Variants in GLRX3 observed in about 807,000 individuals in gnomAD.
GLRX3 encodes the protein glutaredoxin 3.
A neutral mutation model predicts 49.5 loss-of-function variants in GLRX3; 22 were observed. The observed-to-expected ratio is 0.44, with a 90% CI of 0.32 to 0.63. The LOEUF is 0.63. Ranked by LOEUF, GLRX3 falls within the 30% of genes least tolerant of loss-of-function variation. GLRX3 has a pLI of 0.05. For synonymous variants in GLRX3, 133 were observed against 140.0 expected, an observed-to-expected ratio of 0.95 and a Z score of 0.35; for missense variants, 385 against 396.3, an observed-to-expected ratio of 0.97 and a Z score of 0.24.
intron 2 of GLRX3, among the ~76,000 whole-genome samples, chr10:130,157,265 C>CT (rs1416687734): frequency 1.4e-5 from 2 of 145,654 alleles, no homozygotes; most frequent in Non-Finnish European, 3.0e-5. Flanking sequence ...GTCCTGCAGT[C>CT]TAACGGCTGG....
Position 130,179,541 on chromosome 10 carries a change from A to G in GLRX3, c.*149A>G, listed in dbSNP as rs1862986877. ...TGTGTATTTCACAATGTCGTGCTAA[A>G]TAAATGTATGTTACATTTTTTTCCC... On this transcript the variant is annotated 3_prime_UTR_variant, in exon 11 of 11. Coordinates refer to ENST00000331244, the MANE Select transcript of GLRX3 (RefSeq NM_006541.5). 1.6e-6 allele frequency: 1 copy of G among 614,746 alleles called. No homozygotes were observed. The highest frequency in any genetic ancestry group is 2.9e-6 in the Non-Finnish European group (1 of 342,620). 38.1% of individuals were successfully genotyped at this position (614,746 alleles called of 1,614,324 possible). A position where few individuals can be genotyped will look rare whatever the true frequency, so the allele number is the denominator to read the frequency against.
Position 130,171,699 on chromosome 10 carries a change from C to T in GLRX3, c.824+63C>T, listed in dbSNP as rs1862812746. The stretch of plus-strand genomic sequence containing the variant: ...ATTCCAACCTGGCCAGGCGTAGTGG[C>T]TCACGTCTATAATCCTAGCACTTTG... On this transcript the variant is annotated intron_variant, in intron 8 of 10. Transcript: ENST00000331244. 4.5e-6 allele frequency: 4 copies of T among 893,888 alleles called. No individual in the cohort carries two copies. In the African/African-American group the frequency reaches 4.9e-5, roughly 11 times the overall value. The allele number at this position is 893,888 out of a possible 1,614,324, so 55.4% of individuals were successfully genotyped here.
At position 130,171,589 on chromosome 10, in the gene GLRX3, A is replaced by G. The variant is rs1207212773; in HGVS notation, c.777A>G (p.Ala259=). 6.5e-7 allele frequency: 1 copy of G among 1,536,904 alleles called. No homozygotes were observed. The highest frequency in any genetic ancestry group is 9.0e-7 in the Non-Finnish European group (1 of 1,109,470). The change falls in exon 8 of 11, where the codon GCA becomes GCG. Residue 259 remains alanine, a synonymous_variant. Coordinates refer to ENST00000331244, the MANE Select transcript of GLRX3 (RefSeq NM_006541.5). ...MLFMKGNKQE[A]KCGFSKQILE... is the part of the protein sequence containing the mutation. ...GCAAATTTTTTTTCATTTAGGAAGC[A>G]AAATGTGGATTCAGCAAACAAATTC...
intron 2 of GLRX3, among the ~76,000 whole-genome samples, chr10:130,150,252 A>AAG (rs1471530726): frequency 5.2e-4 from 79 of 151,604 alleles, no homozygotes; most frequent in African/African-American, 1.8e-3. Flanking sequence ...AAAAAAAAAA[A>AAG]AAAGAAAGAA....
At chr10:130,174,705 G>C (rs561323945) in intron 8 of GLRX3, among the ~76,000 whole-genome samples, 162 bp from the exon 9 acceptor site, 1 of 152,218 alleles carries the variant, frequency 6.6e-6, no homozygotes, top group Non-Finnish European at 1.5e-5. Flanking sequence ...ATTCTGTGTA[G>C]TACCAGACAG....
intron 1 of GLRX3, among the ~76,000 whole-genome samples, chr10:130,143,653 C>T (rs1862215892): frequency 6.6e-6 from 1 of 151,794 alleles, no homozygotes; most frequent in Non-Finnish European, 1.5e-5. Context: ...CTTAGTCTGC[C>T]AGAATGCTGA....
At chr10:130,161,489 C>A (rs1247118575) in intron 4 of GLRX3, among the ~76,000 whole-genome samples, 1 of 152,222 alleles carries the variant, frequency 6.6e-6, no homozygotes, top group South Asian at 2.1e-4. Context: ...TTTGCCTCCC[C>A]TGTGTCATCA....
intron 4 of GLRX3, among the ~76,000 whole-genome samples, chr10:130,163,629 T>C: frequency 6.6e-6 from 1 of 152,224 alleles, no homozygotes; most frequent in Non-Finnish European, 1.5e-5. Context: ...TTCTGTCACA[T>C]ATAGTAAATA....
chr10:130,178,175 C>T (rs1404357517), intron 10 of GLRX3, among the ~76,000 whole-genome samples: 1 of 152,176 alleles, frequency 6.6e-6, no homozygotes. Context: ...AGCCTGATTC[C>T]TCTCTGTGAG....
At chr10:130,137,094 C>A (rs1862071105) in intron 1 of GLRX3, among the ~76,000 whole-genome samples, 1 of 152,062 alleles carries the variant, frequency 6.6e-6, no homozygotes, top group Non-Finnish European at 1.5e-5. Context: ...CTTTTGAAGT[C>A]AGCCTTTAAA....
intron 1 of GLRX3, among the ~76,000 whole-genome samples, chr10:130,137,874 A>G (rs544799019): frequency 3.9e-4 from 59 of 152,076 alleles, no homozygotes; most frequent in African/African-American, 1.4e-3. Flanking sequence ...AGCTGGGACC[A>G]CAGGTGCTCA....
chr10:130,166,385 C>G (rs1041648849), intron 4 of GLRX3, 122 bp from the exon 5 acceptor site: 10 of 644,058 alleles, frequency 1.6e-5, no homozygotes, highest in Non-Finnish European at 2.4e-5. Context: ...AATTAAATCA[C>G]CAGCAAAATA....
chr10:130,165,009 T>C (rs1862654052), intron 4 of GLRX3, among the ~76,000 whole-genome samples: 1 of 152,250 alleles, frequency 6.6e-6, no homozygotes, highest in African/African-American at 2.4e-5. Flanking sequence ...TAGTGCTTCA[T>C]CTCAATAAAC....
chr10:130,165,486 TA>T (rs1214423356), intron 4 of GLRX3, among the ~76,000 whole-genome samples: 1 of 152,096 alleles, frequency 6.6e-6, no homozygotes, highest in Non-Finnish European at 1.5e-5. Flanking sequence ...TATAGTGTAG[TA>T]AAAAAATTAC....
At chr10:130,147,800 T>C (rs1178576251) in intron 2 of GLRX3, among the ~76,000 whole-genome samples, 1 of 152,102 alleles carries the variant, frequency 6.6e-6, no homozygotes, top group Non-Finnish European at 1.5e-5. Context: ...CCAACACCTC[T>C]TGAGGCTGAG....
In GLRX3 at chr10:130,166,882, A is replaced by T. The variant is rs775115931; in HGVS notation, c.652-37A>T. 5 of 1,339,188 alleles carry T rather than the reference A, an allele frequency of 3.7e-6. No individual in the cohort carries two copies. In the South Asian group the frequency reaches 6.2e-5, roughly 17 times the overall value. 83.0% of individuals were successfully genotyped at this position (1,339,188 alleles called of 1,614,324 possible). A position where few individuals can be genotyped will look rare whatever the true frequency, so the allele number is the denominator to read the frequency against. ...GATCAAGGAGATTTATGTTATAATA[A>T]TTTTTTTCATAAAACTGGTATGTGT... On this transcript the variant is annotated intron_variant, in intron 5 of 10. Coordinates refer to ENST00000331244, the MANE Select transcript of GLRX3 (RefSeq NM_006541.5).
At chr10:130,157,806 C>G (rs1168669583) in intron 2 of GLRX3, among the ~76,000 whole-genome samples, 1 of 152,052 alleles carries the variant, frequency 6.6e-6, no homozygotes, top group Non-Finnish European at 1.5e-5. Flanking sequence ...GGGTAGGTCG[C>G]CCATGAATGA....
intron 1 of GLRX3, among the ~76,000 whole-genome samples, chr10:130,140,477 G>T (rs1862152290): frequency 6.6e-6 from 1 of 152,168 alleles, no homozygotes; most frequent in African/African-American, 2.4e-5. Flanking sequence ...CATTAAATAG[G>T]AGAATATTGT....
chr10:130,160,752 T>A, intron 3 of GLRX3, 44 bp from the exon 4 acceptor site: 1 of 1,064,720 alleles, frequency 9.4e-7, no homozygotes, highest in South Asian at 1.3e-5. Context: ...AATGTCATTA[T>A]TATGGAATGC....
Sources: allele counts gnomAD v4.1 joint callset (sites outside exome capture counted in the v4.1 genomes callset), GRCh38; gene constraint gnomAD v4.1.1; transcripts MANE v1.5; gene names NCBI Gene and HGNC (gene_info 2026-07-23, HGNC 2026-07-21).